CACNA2D4: variants seen among roughly 807,000 people sequenced by gnomAD.
CACNA2D4 encodes the protein calcium voltage-gated channel auxiliary subunit alpha2delta 4, also known as voltage-dependent calcium channel subunit alpha-2/delta-4.
Under a neutral mutation model 163.8 loss-of-function variants are expected in CACNA2D4, and 157 were observed. The ratio of observed to expected loss-of-function variants is 0.96; its 90% CI spans 0.84 to 1.09. CACNA2D4 has a LOEUF of 1.09. CACNA2D4 is among the 50% of genes least tolerant of loss of function. The pLI is 0.00. For synonymous variants in CACNA2D4, 598 were observed against 586.9 expected, an observed-to-expected ratio of 1.02 and a Z score of -0.27; for missense variants, 1,410 against 1,479.9, an observed-to-expected ratio of 0.95 and a Z score of 0.78.
In CACNA2D4 at chr12:1,917,743, T is replaced by G. The variant is rs994828451; in HGVS notation, c.227+504A>C. 6.6e-6 allele frequency among the ~76,000 whole-genome samples: 1 copy of G among 151,936 alleles called. No homozygotes were observed. Among genetic ancestry groups the G allele is most frequent in the African/African-American group, 2.4e-5 (1 of 41,162 alleles). On this transcript the variant is annotated intron_variant, in intron 1 of 37. Transcript: ENST00000382722. This position sits in a 1 kb window ranked among gnomAD's most constrained non-coding sequence, Gnocchi z 4.3. ...GGAAGACTGCGGCCACCAAAATCCATTTTTTTCCCCAGTTCCTGGACAAGC... is the reference window on the plus strand; with the variant it reads ...GGAAGACTGCGGCCACCAAAATCCAGTTTTTTCCCCAGTTCCTGGACAAGC...
rs755996321 is a variant in CACNA2D4 at position 1,810,311 on chromosome 12, G to C, written c.2688C>G (p.Asn896Lys). The change falls in exon 29 of 38, where the codon AAC becomes AAG. Residue 896 changes from asparagine (N) to lysine (K), a missense_variant. By Grantham distance (94) the Asn-to-Lys change is moderately conservative. Transcript: ENST00000382722. ...ACCTCTTGGAGATCAGAATGAACCC[G>C]TTGTTGTCGATGACGAAGCAGTCCA... is the stretch of plus-strand genomic sequence containing the variant. ...SDLDCFVIDN[N>K]GFILISKRSR... 3 of 1,613,934 alleles carry C rather than the reference G, an allele frequency of 1.9e-6. No individual in the cohort carries two copies. The highest frequency in any genetic ancestry group is 2.5e-6 in the Non-Finnish European group (3 of 1,179,816).
At chr12:1,801,265 T>A in intron 30 of CACNA2D4, 147 bp from the exon 31 acceptor site, 1 of 708,698 alleles carries the variant, frequency 1.4e-6, no homozygotes, top group Non-Finnish European at 2.5e-6. Flanking sequence ...CAGCTCATGC[T>A]GAAAATTACA....
intron 18 of CACNA2D4, among the ~76,000 whole-genome samples, chr12:1,866,376 C>A (rs1053544247): frequency 6.6e-6 from 1 of 152,134 alleles, no homozygotes; most frequent in Non-Finnish European, 1.5e-5. Context: ...ATATTACAAA[C>A]CCCACAATGC....
rs762471460 is a variant in CACNA2D4, at chr12:1,795,627, C to T, written c.3226+41G>A. On this transcript the variant is annotated intron_variant, in intron 36 of 37. Transcript: ENST00000382722. ...GAGCCCTACAGACACCTCCTACAGC[C>T]CCCGCCCCCACCGCACACATCCCCG... The T allele has an allele frequency of 3.6e-6, 5 of 1,387,854 alleles. No homozygotes were observed. The Admixed American group carries it at 6.7e-5, about 19-fold the overall frequency. The allele number at this position is 1,387,854 out of a possible 1,614,324, so 86.0% of individuals were successfully genotyped here. A position where few individuals can be genotyped will look rare whatever the true frequency, so the allele number is the denominator to read the frequency against.
Position 1,885,983 on chromosome 12 carries a change from C to T in CACNA2D4, c.1050G>A (p.Ala350=), listed in dbSNP as rs531167659. 15 of 1,613,144 alleles carry T rather than the reference C, an allele frequency of 9.3e-6. No individual in the cohort carries two copies. The highest frequency in any genetic ancestry group is 6.7e-5 in the Admixed American group (4 of 59,974). Residue 350 remains alanine, a synonymous_variant, in exon 9 of 38, where the codon GCG becomes GCA. Transcript: ENST00000382722. Reference sequence around the variant, plus strand: ...CACTCACCTCTCGATTGTCTCGGTCCGCCTGGACGAGGATCCCTTTAAAAC... The same window carrying T: ...CACTCACCTCTCGATTGTCTCGGTCTGCCTGGACGAGGATCCCTTTAAAAC... ...EPCFKGILVQ[A]DRDNREHFKL...
At chr12:1,830,163 G>A (rs1229448866) in intron 26 of CACNA2D4, among the ~76,000 whole-genome samples, 1 of 152,244 alleles carries the variant, frequency 6.6e-6, no homozygotes, top group Non-Finnish European at 1.5e-5. Context: ...GATGGCTTTA[G>A]GGTGGGGGTT....
intron 26 of CACNA2D4, chr12:1,831,413 G>A: frequency 6.2e-7 from 1 of 1,614,136 alleles, no homozygotes; most frequent in Non-Finnish European, 8.5e-7. Flanking sequence ...TGGACCGGCT[G>A]ACATTTGAAC....
chr12:1,870,905 A>C (rs1026368888), intron 18 of CACNA2D4, among the ~76,000 whole-genome samples: 1 of 152,134 alleles, frequency 6.6e-6, no homozygotes, highest in African/African-American at 2.4e-5. Context: ...AGGGGAAGAG[A>C]GAGAGAGAAA....
intron 1 of CACNA2D4, 60 bp downstream of exon 1, chr12:1,918,187 C>A: frequency 7.6e-7 from 1 of 1,317,198 alleles, no homozygotes; most frequent in Non-Finnish European, 1.1e-6. Flanking sequence ...AGGCCCAGCC[C>A]GGGAAGAAAG....
chr12:1,877,076 G>A (rs1394339993), intron 16 of CACNA2D4, among the ~76,000 whole-genome samples: 1 of 152,130 alleles, frequency 6.6e-6, no homozygotes, highest in Non-Finnish European at 1.5e-5. Context: ...TTGTAATCGT[G>A]TCCTGTGTGG....
intron 16 of CACNA2D4, among the ~76,000 whole-genome samples, chr12:1,876,279 G>A (rs1187324875): frequency 2.0e-5 from 3 of 152,172 alleles, no homozygotes; most frequent in African/African-American, 2.4e-5. Context: ...ATTTGAATGG[G>A]ACGGAGACAA....
At chr12:1,910,395 T>C (rs1866783773) in intron 3 of CACNA2D4, among the ~76,000 whole-genome samples, 1 of 152,250 alleles carries the variant, frequency 6.6e-6, no homozygotes, top group Admixed American at 6.5e-5. Context: ...TAATGTGTGC[T>C]ATGGACTTGG....
rs892348820 is a variant in CACNA2D4 at position 1,809,393 on chromosome 12, C to T, written c.2721+885G>A. ...GCTAATGGAAGTCGCTTGCCCACAT[C>T]ACGTTTCTAATTAGTAGCAAAGCTC... On this transcript the variant is annotated intron_variant, in intron 29 of 37. Transcript: ENST00000382722. The T allele has an allele frequency of 6.9e-5, 43 of 623,596 alleles. No individual in the cohort carries two copies. The African/African-American group carries it at 7.9e-4, about 11-fold the overall frequency. The allele number at this position is 623,596 out of a possible 1,614,324, so 38.6% of individuals were successfully genotyped here.
At chr12:1,879,561 C>T (rs1289686951) in intron 14 of CACNA2D4, among the ~76,000 whole-genome samples, 1 of 152,174 alleles carries the variant, frequency 6.6e-6, no homozygotes. Flanking sequence ...AACTGCAGAG[C>T]AGTGAAGCTA....
At position 1,828,240 on chromosome 12, in the gene CACNA2D4, G is replaced by T. The variant is rs770927280; in HGVS notation, c.2551+12499C>A. The T allele has an allele frequency of 9.8e-6, 15 of 1,531,084 alleles. No individual in the cohort carries two copies. The South Asian group carries it at 1.2e-4, about 12-fold the overall frequency. The allele number at this position is 1,531,084 out of a possible 1,614,324, so 94.8% of individuals were successfully genotyped here. ...TGTGAGTACACCCCTGGCCTCGGAG[G>T]GGGGTGCGGGTTGGGTGGGGGTGCC... On this transcript the variant is annotated intron_variant, in intron 26 of 37. Coordinates refer to ENST00000382722, the MANE Select transcript of CACNA2D4 (RefSeq NM_172364.5). This position sits in a 1 kb window ranked among gnomAD's most constrained non-coding sequence, Gnocchi z 4.2.
At chr12:1,884,140 A>G (rs547981912) in intron 12 of CACNA2D4, 103 bp downstream of exon 12, 74 of 946,504 alleles carry the variant, frequency 7.8e-5, no homozygotes, top group Non-Finnish European at 1.1e-4. Context: ...TGCTCCTCTT[A>G]GGGGCCCATG....
chr12:1,803,944 C>G (rs990493205), intron 29 of CACNA2D4, among the ~76,000 whole-genome samples: 1 of 152,160 alleles, frequency 6.6e-6, no homozygotes, highest in African/African-American at 2.4e-5. Flanking sequence ...AGGCAGTGGA[C>G]ATGGCAGCGG....
chr12:1,833,637 G>A lies in CACNA2D4; in HGVS notation c.2551+7102C>T, dbSNP rs1398334085. ...GGGGCCATTGGATTGCTCCTAAGGA[G>A]GAGAAGGAGAACATTCCTGCCCAAC... On this transcript the variant is annotated intron_variant, in intron 26 of 37. Coordinates refer to ENST00000382722, the MANE Select transcript of CACNA2D4 (RefSeq NM_172364.5). The surrounding 1 kb of genome is among the most constrained non-coding windows in gnomAD (Gnocchi z 4.2). Among the ~76,000 whole-genome samples the A allele has an allele frequency of 6.6e-6, 1 of 152,166 alleles. No homozygotes were observed. The highest frequency in any genetic ancestry group is 1.5e-5 in the Non-Finnish European group (1 of 68,032).
At chr12:1,872,566 G>T (rs1304472321) in intron 18 of CACNA2D4, among the ~76,000 whole-genome samples, 7 of 152,212 alleles carry the variant, frequency 4.6e-5, no homozygotes, top group Non-Finnish European at 1.0e-4. Context: ...GGAGGGCTGG[G>T]ATAGATCAGC....
Sources: gnomAD v4.1 joint callset for allele counts (sites outside exome capture counted in the v4.1 genomes callset) on GRCh38, gnomAD v4.1.1 for gene constraint, Gnocchi (gnomAD v3.1) non-coding constraint, MANE v1.5 for transcripts, NCBI Gene and HGNC (gene_info 2026-07-23, HGNC 2026-07-21) for gene names.